SUN2: variants seen among roughly 807,000 people sequenced by gnomAD.
SUN2 encodes SUN domain-containing protein 2.
A neutral mutation model predicts 100.0 loss-of-function variants in SUN2; 60 were observed. The observed-to-expected ratio is 0.60, with a 90% CI of 0.49 to 0.74. The LOEUF (loss-of-function observed/expected upper bound fraction) is 0.74, where lower values mean the gene tolerates loss of function less well. SUN2 is among the 30% of genes least tolerant of loss of function. SUN2 has a pLI of 0.00. For missense variants in SUN2, 834 were observed against 954.6 expected, an observed-to-expected ratio of 0.87 and a Z score of 1.66; for synonymous variants, 367 against 403.3, an observed-to-expected ratio of 0.91 and a Z score of 1.08.
rs756176255 is a variant in SUN2 at position 38,739,411 on chromosome 22, C to T, written c.1594G>A (p.Val532Met). The change falls in exon 14 of 18, where the codon GTG becomes ATG. Residue 532 changes from valine to methionine, a missense_variant. Coordinates refer to ENST00000689035, the MANE Select transcript of SUN2 (RefSeq NM_015374.3). This position sits in a 1 kb window ranked among gnomAD's most constrained non-coding sequence, Gnocchi z 6.7. ...CTGTAGCGCTGCAGGGCCTGCTTCA[C>T]GATGTGGTGCACCTGCTGCAATGCA... ...GVTEEQVHHI[V>M]KQALQRYSED... 1.5e-5 allele frequency: 25 copies of T among 1,612,988 alleles called. No homozygotes were observed. Among genetic ancestry groups the T allele is most frequent in the East Asian group, 2.2e-5 (1 of 44,902 alleles).
Position 38,755,649 on chromosome 22 carries a change from C to G in SUN2, c.-38+114G>C, listed in dbSNP as rs1413452209. The G allele has an allele frequency of 1.3e-5, 13 of 968,520 alleles. No homozygotes were observed. The highest frequency in any genetic ancestry group is 1.6e-5 in the Non-Finnish European group (13 of 814,606). 60.0% of individuals were successfully genotyped at this position (968,520 alleles called of 1,614,324 possible). A position where few individuals can be genotyped will look rare whatever the true frequency, so the allele number is the denominator to read the frequency against. ...AGGCTGGATCCGGCCCAGCACGTCC[C>G]GGAGAGGAGGAAGCAGGCCTGGCGG... On this transcript the variant is annotated intron_variant, in intron 1 of 17. Transcript: ENST00000689035. The surrounding 1 kb of genome is among the most constrained non-coding windows in gnomAD (Gnocchi z 5.7).
At chr22:38,750,111 T>G in intron 5 of SUN2, 114 bp downstream of exon 5, 2 of 1,469,138 alleles carry the variant, frequency 1.4e-6, no homozygotes, top group South Asian at 2.6e-5. Flanking sequence ...AGAATGACCT[T>G]TCCCCAATGG....
Position 38,738,043 on chromosome 22 carries a change from T to G in SUN2, c.2040+130A>C. The stretch of plus-strand genomic sequence containing the variant: ...TACACCCCATTTGGATATCACATCT[T>G]GAGCTGTGGGAAAGGAGAGCAGGGC... On this transcript the variant is annotated intron_variant, in intron 17 of 17. Coordinates refer to ENST00000689035, the MANE Select transcript of SUN2 (RefSeq NM_015374.3). The surrounding 1 kb of genome is among the most constrained non-coding windows in gnomAD (Gnocchi z 6.6). 6.0e-6 allele frequency: 5 copies of G among 837,902 alleles called. No homozygotes were observed. The highest frequency in any genetic ancestry group is 1.0e-5 in the Non-Finnish European group (5 of 484,048). The allele number at this position is 837,902 out of a possible 1,614,324, so 51.9% of individuals were successfully genotyped here. A position where few individuals can be genotyped will look rare whatever the true frequency, so the allele number is the denominator to read the frequency against.
rs1051031562 is a variant in SUN2, at chr22:38,745,745, G to T, written c.752C>A (p.Ala251Glu). Residue 251 changes from alanine to glutamate, a missense_variant, in exon 8 of 18, where the codon GCG (alanine) becomes GAG (glutamate). Physicochemically the swap from Ala to Glu is moderately radical, Grantham distance 107 (BLOSUM62 -1). Around this residue, in one of 3 missense-constraint regions of SUN2, gnomAD observed 559 missense variants for 597.7 expected, o/e 0.94. Coordinates refer to ENST00000689035, the MANE Select transcript of SUN2 (RefSeq NM_015374.3). ...FHPALVSWWA[A>E]KDSRRPDEGW... ...CTCATCCGGCCTCCTGCTGTCCTTC[G>T]CTGCCCACCAGGAAACCAAAGCAGG... is the stretch of plus-strand genomic sequence containing the variant. 3.7e-6 allele frequency: 6 copies of T among 1,613,996 alleles called. No homozygotes were observed. Among genetic ancestry groups the T allele is most frequent in the Non-Finnish European group, 5.1e-6 (6 of 1,180,022 alleles).
At chr22:38,736,517 G>A (rs987996176) in intron 17 of SUN2, 137 bp from the exon 18 acceptor site, 1 of 640,356 alleles carries the variant, frequency 1.6e-6, no homozygotes, top group South Asian at 2.3e-5. Flanking sequence ...AAGAGAACCA[G>A]GCTTCAAAAG....
chr22:38,734,923 T>G lies in SUN2; in HGVS notation c.*1344A>C. ...CCAGAGCGGATTTGAGGCTCAGTGC[T>G]GCAGTGAAGGCCTGCCCGCCTTCTT... On this transcript the variant is annotated 3_prime_UTR_variant, in exon 18 of 18. Coordinates refer to ENST00000689035, the MANE Select transcript of SUN2 (RefSeq NM_015374.3). 3.7e-6 allele frequency: 1 copy of G among 272,350 alleles called. No individual in the cohort carries two copies. Among genetic ancestry groups the G allele is most frequent in the Non-Finnish European group, 7.3e-6 (1 of 137,184 alleles). 16.9% of individuals were successfully genotyped at this position (272,350 alleles called of 1,614,324 possible).
chr22:38,745,837 C>T, intron 7 of SUN2, 26 bp from the exon 8 acceptor site: 1 of 1,609,026 alleles, frequency 6.2e-7, no homozygotes, highest in Non-Finnish European at 8.5e-7. Context: ...AGGGTGTTAC[C>T]CCAGCTGGGC....
In SUN2 at chr22:38,739,424, C is replaced by G. The variant is rs1166048110; in HGVS notation, c.1581G>C (p.Gln527His). 1 of 1,612,858 alleles carries G rather than the reference C, an allele frequency of 6.2e-7. No homozygotes were observed. Among genetic ancestry groups the G allele is most frequent in the Non-Finnish European group, 8.5e-7 (1 of 1,179,990 alleles). ...KEGVIGVTEEQVHHIVKQALQ... is the reference protein window; with the variant it reads ...KEGVIGVTEEHVHHIVKQALQ... ...GGGCCTGCTTCACGATGTGGTGCAC[C>G]TGCTGCAATGCAGGCACCAGGAGAC... The change falls in exon 14 of 18, where the codon CAG becomes CAC. Residue 527 changes from glutamine (Q) to histidine (H), a missense_variant and splice_region_variant. Gln to His is a conservative substitution (Grantham distance 24). This residue lies in a region of SUN2 where 195 missense variants were observed against 280.2 expected (regional missense o/e 0.70). Transcript: ENST00000689035. This position sits in a 1 kb window ranked among gnomAD's most constrained non-coding sequence, Gnocchi z 6.7.
chr22:38,745,233 C>G lies in SUN2; in HGVS notation c.813+451G>C, dbSNP rs557773069. The G allele has an allele frequency of 1.5e-5, 7 of 468,626 alleles. No individual in the cohort carries two copies. The East Asian group carries it at 4.9e-4, about 33-fold the overall frequency. The allele number at this position is 468,626 out of a possible 1,614,324, so 29.0% of individuals were successfully genotyped here. ...AGCTGTCCTAGGCAAGGGCCTTGAC[C>G]AGCTGGCCCCCAGCTGACCCCCCCA... On this transcript the variant is annotated intron_variant, in intron 8 of 17. Coordinates refer to ENST00000689035, the MANE Select transcript of SUN2 (RefSeq NM_015374.3).
In SUN2 at chr22:38,740,666, G is replaced by A; in HGVS notation, c.1191-234C>T. The A allele has an allele frequency of 3.5e-6, 2 of 572,440 alleles. No individual in the cohort carries two copies. Among genetic ancestry groups the A allele is most frequent in the South Asian group, 4.8e-5 (2 of 41,832 alleles). 35.5% of individuals were successfully genotyped at this position (572,440 alleles called of 1,614,324 possible). A position where few individuals can be genotyped will look rare whatever the true frequency, so the allele number is the denominator to read the frequency against. ...CCTTTCTAAGCCCAGAGTCCAGAAT[G>A]TACTCTGCCTCAGCCTCTCACATCC... On this transcript the variant is annotated intron_variant, in intron 11 of 17. Coordinates refer to ENST00000689035, the MANE Select transcript of SUN2 (RefSeq NM_015374.3). The surrounding 1 kb of genome is among the most constrained non-coding windows in gnomAD (Gnocchi z 4.8).
In SUN2 at chr22:38,749,915, C is replaced by T. The variant is rs1453862173; in HGVS notation, c.521-56G>A. ...CATATGGTGTTTGGGGGCACCGCTC[C>T]TTTGTCCCGTCTGCCGTCCTCCCTG... On this transcript the variant is annotated intron_variant, in intron 5 of 17. Coordinates refer to ENST00000689035, the MANE Select transcript of SUN2 (RefSeq NM_015374.3). The T allele has an allele frequency of 4.6e-6, 7 of 1,529,330 alleles. No homozygotes were observed. The East Asian group carries it at 7.2e-5, about 16-fold the overall frequency. The allele number at this position is 1,529,330 out of a possible 1,614,324, so 94.7% of individuals were successfully genotyped here. A position where few individuals can be genotyped will look rare whatever the true frequency, so the allele number is the denominator to read the frequency against.
Position 38,738,930 on chromosome 22 carries a change from G to A in SUN2, c.1722C>T (p.Leu574=). ...SETYETKTAL[L]SLFGIPLWYH... The stretch of plus-strand genomic sequence containing the variant: ...ACCACAGGGGGATGCCGAAGAGGCT[G>A]AGGAGGGCCGTCTTGGTCTCGTAGG... The change falls in exon 15 of 18, where the codon CTC becomes CTT. Residue 574 remains leucine (L), a synonymous_variant. Coordinates refer to ENST00000689035, the MANE Select transcript of SUN2 (RefSeq NM_015374.3). This position sits in a 1 kb window ranked among gnomAD's most constrained non-coding sequence, Gnocchi z 6.6. 2 of 1,613,628 alleles carry A rather than the reference G, an allele frequency of 1.2e-6. No homozygotes were observed. Among genetic ancestry groups the A allele is most frequent in the East Asian group, 4.5e-5 (2 of 44,858 alleles).
In SUN2 at chr22:38,739,564, C is replaced by T. The variant is rs971564594; in HGVS notation, c.1579-138G>A. The T allele has an allele frequency of 1.6e-6, 2 of 1,281,538 alleles. No homozygotes were observed. Among genetic ancestry groups the T allele is most frequent in the African/African-American group, 2.9e-5 (2 of 67,956 alleles). The allele number at this position is 1,281,538 out of a possible 1,614,324, so 79.4% of individuals were successfully genotyped here. A position where few individuals can be genotyped will look rare whatever the true frequency, so the allele number is the denominator to read the frequency against. On this transcript the variant is annotated intron_variant, in intron 13 of 17. Coordinates refer to ENST00000689035, the MANE Select transcript of SUN2 (RefSeq NM_015374.3). This position sits in a 1 kb window ranked among gnomAD's most constrained non-coding sequence, Gnocchi z 6.7. The stretch of plus-strand genomic sequence containing the variant: ...GCTGGTGCCCAGGCAGATGTGGGCA[C>T]ACTGCCACCCACCCATGCCAGCCCC...
At chr22:38,754,955 A>G (rs1261282678) in intron 1 of SUN2, 2 of 1,289,244 alleles carry the variant, frequency 1.6e-6, no homozygotes, top group Non-Finnish European at 2.0e-6. Context: ...CCAAAACAAG[A>G]AGTGAGCCTC....
In SUN2 at chr22:38,739,892, C is replaced by T. The variant is rs1394635904; in HGVS notation, c.1408G>A (p.Gly470Arg). Residue 470 changes from glycine (G) to arginine (R), a missense_variant, in exon 13 of 18, where the codon GGG (glycine) becomes AGG (arginine). Gly to Arg is a moderately radical substitution (Grantham distance 125). Coordinates refer to ENST00000689035, the MANE Select transcript of SUN2 (RefSeq NM_015374.3). The surrounding 1 kb of genome is among the most constrained non-coding windows in gnomAD (Gnocchi z 6.7). ...WISQFLARGGGGRVGLLQREE... is the reference protein window; with the variant it reads ...WISQFLARGGRGRVGLLQREE... ...CTCTGAAGGAGCCCCACGCGGCCCC[C>T]TCCACCTCGGGCAAGGAACTGACTG... 3.7e-6 allele frequency: 6 copies of T among 1,613,134 alleles called. No individual in the cohort carries two copies. Among genetic ancestry groups the T allele is most frequent in the Non-Finnish European group, 5.1e-6 (6 of 1,180,014 alleles).
Position 38,736,347 on chromosome 22 carries a change from G to C in SUN2, c.2074C>G (p.Leu692Val). The change falls in exon 18 of 18, where the codon CTG becomes GTG. Residue 692 changes from leucine (L) to valine (V), a missense_variant. Leu to Val is a conservative substitution (Grantham distance 32). Transcript: ENST00000689035. ...TGGCCCCAGTTAGTCAGGATCCGCA[G>C]CTCCACCACCTGGTACGTGGCCATC... is the stretch of plus-strand genomic sequence containing the variant. The part of the protein sequence containing the change: ...PTMATYQVVE[L>V]RILTNWGHPE... 1 of 1,614,002 alleles carries C rather than the reference G, an allele frequency of 6.2e-7. No homozygotes were observed. The highest frequency in any genetic ancestry group is 8.5e-7 in the Non-Finnish European group (1 of 1,179,912).
rs2092922150 is a variant in SUN2 at position 38,748,703 on chromosome 22, G to T, written c.685+10C>A. 6.2e-7 allele frequency: 1 copy of T among 1,614,142 alleles called. No homozygotes were observed. The highest frequency in any genetic ancestry group is 8.5e-7 in the Non-Finnish European group (1 of 1,179,986). On this transcript the variant is annotated intron_variant, in intron 7 of 17. Transcript: ENST00000689035. ...CTGTGCCTCCCTCTGCTCTCCCCAT[G>T]CAGGCTCACCATACGTCAGGCACGT...
rs1434090533 is a variant in SUN2 at position 38,741,168 on chromosome 22, G to C, written c.1147-118C>G. The stretch of plus-strand genomic sequence containing the variant: ...ACCACACCCCTGCCCAAGGTCTCTT[G>C]ACCCCTGCAGCAAAAATCAAACTGG... On this transcript the variant is annotated intron_variant, in intron 10 of 17. Transcript: ENST00000689035. The C allele has an allele frequency of 2.6e-6, 3 of 1,137,188 alleles. No individual in the cohort carries two copies. The African/African-American group carries it at 4.6e-5, about 18-fold the overall frequency. 70.4% of individuals were successfully genotyped at this position (1,137,188 alleles called of 1,614,324 possible). A position where few individuals can be genotyped will look rare whatever the true frequency, so the allele number is the denominator to read the frequency against.
At chr22:38,747,697 CTT>C (rs1381699521) in intron 7 of SUN2, among the ~76,000 whole-genome samples, 2 of 152,160 alleles carry the variant, frequency 1.3e-5, no homozygotes, top group African/African-American at 4.8e-5. Context: ...AATCCCGACA[CTT>C]TGGGAGGCCG....
Sources: allele counts gnomAD v4.1 joint callset (sites outside exome capture counted in the v4.1 genomes callset), GRCh38; gene constraint gnomAD v4.1.1; regional missense constraint gnomAD v4.1.1; non-coding constraint Gnocchi (gnomAD v3.1); transcripts MANE v1.5; gene names NCBI Gene and HGNC (gene_info 2026-07-23, HGNC 2026-07-21).